The following CSMD1 variants were observed in gnomAD, a reference collection of about 807,000 sequenced individuals.
CSMD1 encodes the protein CUB and Sushi multiple domains 1.
Under a neutral mutation model 417.5 loss-of-function variants are expected in CSMD1, and 213 were observed. The observed-to-expected ratio is 0.51, with a 90% CI of 0.46 to 0.57. The LOEUF (loss-of-function observed/expected upper bound fraction) is 0.57, where lower values mean the gene tolerates loss of function less well. Among genes scored for constraint, CSMD1 ranks in the 20% least tolerant of loss-of-function variants. The pLI, the probability that CSMD1 is intolerant of heterozygous loss-of-function variation, is 0.00. For synonymous variants in CSMD1, 2,862 were observed against 1,736.8 expected (o/e 1.65, Z -16.11); for missense variants, 6,923 against 4,529.7 (o/e 1.53, Z -15.17).
At chr8:3,843,632 T>C (rs1334087707) in intron 5 of CSMD1, among the ~76,000 whole-genome samples, 1 of 152,146 alleles carries the variant, frequency 6.6e-6, no homozygotes, top group Non-Finnish European at 1.5e-5. Context: ...TGTTATAGGA[T>C]ACCATGGAAT....
At chr8:4,023,291 C>A (rs1156791461) in intron 4 of CSMD1, among the ~76,000 whole-genome samples, 1 of 152,208 alleles carries the variant, frequency 6.6e-6, no homozygotes, top group African/African-American at 2.4e-5. Context: ...CATTGAGACT[C>A]ATTTTGAATT....
intron 10 of CSMD1, among the ~76,000 whole-genome samples, chr8:3,546,465 G>A (rs1006789855): frequency 1.1e-4 from 17 of 151,896 alleles, no homozygotes; most frequent in African/African-American, 4.1e-4. Context: ...GAACCAGGGA[G>A]TCGGAGCTTG....
At chr8:3,914,720 C>G (rs182242042) in intron 5 of CSMD1, among the ~76,000 whole-genome samples, 4 of 151,978 alleles carry the variant, frequency 2.6e-5, no homozygotes, top group African/African-American at 9.7e-5. Context: ...TTTGACTATC[C>G]CTTTTTTTTT....
chr8:4,824,833 T>A (rs959393742), intron 1 of CSMD1, among the ~76,000 whole-genome samples: 1 of 152,142 alleles, frequency 6.6e-6, no homozygotes, highest in African/African-American at 2.4e-5. Context: ...AGCCTATATT[T>A]AAGAAACAAT....
chr8:3,304,032 A>G (rs890955850), intron 25 of CSMD1, among the ~76,000 whole-genome samples: 4 of 152,190 alleles, frequency 2.6e-5, no homozygotes, highest in Non-Finnish European at 4.4e-5. Context: ...CTGGGCCTCA[A>G]TGAAATCAAT....
intron 22 of CSMD1, among the ~76,000 whole-genome samples, chr8:3,343,959 C>T (rs1807823558): frequency 6.6e-6 from 1 of 152,172 alleles, no homozygotes; most frequent in Non-Finnish European, 1.5e-5. Context: ...CTGCAAGCCT[C>T]CGGTGGCTTT....
At chr8:3,183,616 T>A (rs1192795861) in intron 36 of CSMD1, among the ~76,000 whole-genome samples, 5 of 150,926 alleles carry the variant, frequency 3.3e-5, no homozygotes, top group African/African-American at 1.2e-4. Context: ...TCTCTAATGT[T>A]TCTTAACGAT....
chr8:4,382,837 G>A (rs988150935), intron 3 of CSMD1, among the ~76,000 whole-genome samples: 6 of 152,086 alleles, frequency 3.9e-5, no homozygotes, highest in Non-Finnish European at 8.8e-5. Flanking sequence ...TTGTGACAAC[G>A]ACCTTACACA....
intron 37 of CSMD1, among the ~76,000 whole-genome samples, chr8:3,175,986 G>C (rs1259520696): frequency 6.6e-6 from 1 of 152,068 alleles, no homozygotes. Context: ...TCTTTTGCTT[G>C]AGTTCAAACA....
chr8:4,165,613 G>A lies in CSMD1; in HGVS notation c.416-133514C>T, dbSNP rs527642103. Among the ~76,000 whole-genome samples the A allele has an allele frequency of 1.4e-4, 21 of 152,272 alleles. No individual in the cohort carries two copies. The South Asian group carries it at 3.3e-3, about 24-fold the overall frequency. ...AGACATGGTCTCACTATGTTGCCCA[G>A]GCTTGGCTTGAACTCCTTGACACAA... On this transcript the variant is annotated intron_variant, in intron 3 of 69. Coordinates refer to ENST00000635120, the MANE Select transcript of CSMD1 (RefSeq NM_033225.6).
Position 3,741,873 on chromosome 8 carries a change from G to A in CSMD1, c.931+12057C>T, listed in dbSNP as rs77721503. Among the ~76,000 whole-genome samples, 1,197 of 152,170 alleles carry A rather than the reference G, an allele frequency of 7.9e-3. 13 individuals carry two copies. Among genetic ancestry groups the A allele is most frequent in the Middle Eastern group, 0.034 (10 of 294 alleles). ...CAAACTCTTGTGGACCAAAGGTAAAGGTTCCAATTCCTTACCATGTGAGTC... is the reference window on the plus strand; with the variant it reads ...CAAACTCTTGTGGACCAAAGGTAAAAGTTCCAATTCCTTACCATGTGAGTC... On this transcript the variant is annotated intron_variant, in intron 6 of 69. Transcript: ENST00000635120.
chr8:4,506,035 T>C (rs1154102), intron 2 of CSMD1, among the ~76,000 whole-genome samples: 6,169 of 152,096 alleles, frequency 0.041, 371 homozygotes, highest in African/African-American at 0.13. Context: ...GCCCCAAACA[T>C]ATTTTTGAAC....
At chr8:4,677,298 A>T (rs1165403901) in intron 1 of CSMD1, among the ~76,000 whole-genome samples, 1 of 151,900 alleles carries the variant, frequency 6.6e-6, no homozygotes, top group Non-Finnish European at 1.5e-5. Context: ...AATTAAAGTG[A>T]AGAAAGAAAT....
chr8:3,556,814 A>G (rs929994482), intron 10 of CSMD1, among the ~76,000 whole-genome samples: 3 of 152,130 alleles, frequency 2.0e-5, no homozygotes, highest in East Asian at 1.9e-4. Context: ...ACCTTGGTGG[A>G]TGCCCCTCTC....
chr8:4,568,585 G>A (rs552059508), intron 2 of CSMD1, among the ~76,000 whole-genome samples: 2 of 152,160 alleles, frequency 1.3e-5, no homozygotes, highest in East Asian at 3.9e-4. Context: ...ACACATACGT[G>A]TGCATGCATC....
intron 1 of CSMD1, among the ~76,000 whole-genome samples, chr8:4,850,785 C>A (rs1801428476): frequency 6.6e-6 from 1 of 152,012 alleles, no homozygotes; most frequent in African/African-American, 2.4e-5. Flanking sequence ...AGTGGCTTGC[C>A]TATTATTTTA....
intron 5 of CSMD1, among the ~76,000 whole-genome samples, chr8:3,833,873 G>A (rs982492781): frequency 3.3e-5 from 5 of 152,152 alleles, no homozygotes; most frequent in Non-Finnish European, 7.4e-5. Context: ...GATTTGAAGT[G>A]TAGTTGTAAA....
intron 1 of CSMD1, among the ~76,000 whole-genome samples, chr8:4,812,093 C>A (rs757809592): frequency 2.0e-5 from 3 of 152,140 alleles, no homozygotes; most frequent in African/African-American, 7.2e-5. Flanking sequence ...AAAATTCCTA[C>A]GCAGCTGGAC....
rs1487776172 is a variant in CSMD1, at chr8:3,508,651, T to C, written c.1345-14925A>G. ...CTGATTTATTCAATCACTCCTTCAG[T>C]CGGTTTTATTGTACTTCCAGCTTAT... On this transcript the variant is annotated intron_variant, in intron 10 of 69. Transcript: ENST00000635120. Among the ~76,000 whole-genome samples the C allele has an allele frequency of 2.0e-5, 3 of 152,344 alleles. No individual in the cohort carries two copies. The South Asian group carries it at 6.2e-4, about 32-fold the overall frequency.
Sources: allele counts gnomAD v4.1 joint callset (sites outside exome capture counted in the v4.1 genomes callset), GRCh38; gene constraint gnomAD v4.1.1; transcripts MANE v1.5; gene names NCBI Gene and HGNC (gene_info 2026-07-23, HGNC 2026-07-21).